The following LPAR3 variants were observed in gnomAD, a reference collection of about 807,000 sequenced individuals.
The protein encoded by LPAR3 is lysophosphatidic acid receptor 3, also known as LPA receptor 3.
A neutral mutation model predicts 17.8 loss-of-function variants in LPAR3; 7 were observed. The observed-to-expected ratio is 0.39, with a 90% CI of 0.22 to 0.74. The LOEUF (loss-of-function observed/expected upper bound fraction) is 0.74, where lower values mean the gene tolerates loss of function less well. Among genes scored for constraint, LPAR3 ranks in the 30% least tolerant of loss-of-function variants. The probability of loss-of-function intolerance (pLI) is 0.40; values close to 1 mark genes in which losing one functional copy is unlikely to be tolerated. For synonymous variants in LPAR3, 179 were observed against 179.9 expected, an observed-to-expected ratio of 0.99 and a Z score of 0.04; for missense variants, 391 against 453.4, an observed-to-expected ratio of 0.86 and a Z score of 1.25.
chr1:84,890,611 T>G (rs886440639), intron 1 of LPAR3, among the ~76,000 whole-genome samples: 8 of 152,238 alleles, frequency 5.3e-5, no homozygotes, highest in Admixed American at 2.6e-4. Flanking sequence ...ACTGCATTAA[T>G]AATGCCTTGG....
chr1:84,875,442 TGA>T (rs1156740066), intron 1 of LPAR3, among the ~76,000 whole-genome samples: 1 of 152,132 alleles, frequency 6.6e-6, no homozygotes, highest in African/African-American at 2.4e-5. Flanking sequence ...ACACTGTTAC[TGA>T]GAGAGTGGAT....
chr1:84,813,828 C>A lies in LPAR3; in HGVS notation c.*18G>T. ...TTTTCCCAGAGGAGGCCTGGGTGGG[C>A]CGAGAGGCATCCAGAGTTTAGGAAG... On this transcript the variant is annotated 3_prime_UTR_variant, in exon 3 of 3. Coordinates refer to ENST00000370611, the MANE Select transcript of LPAR3 (RefSeq NM_012152.3). The A allele has an allele frequency of 6.2e-7, 1 of 1,601,592 alleles. No homozygotes were observed.
intron 2 of LPAR3, among the ~76,000 whole-genome samples, chr1:84,831,411 G>A (rs1156372306): frequency 6.6e-6 from 1 of 152,082 alleles, no homozygotes; most frequent in Non-Finnish European, 1.5e-5. Flanking sequence ...AGCTATGATT[G>A]TGCCACTGCA....
At chr1:84,828,107 C>G (rs1659197511) in intron 2 of LPAR3, among the ~76,000 whole-genome samples, 1 of 152,080 alleles carries the variant, frequency 6.6e-6, no homozygotes, top group Admixed American at 6.5e-5. Flanking sequence ...AAAACACATT[C>G]ATCTCTCTCT....
chr1:84,841,535 T>C (rs914984634), intron 2 of LPAR3, among the ~76,000 whole-genome samples: 3 of 152,174 alleles, frequency 2.0e-5, no homozygotes, highest in Admixed American at 1.3e-4. Context: ...CAACTTCATG[T>C]TTTGAGATTA....
chr1:84,821,314 T>C (rs1659049485), intron 2 of LPAR3, among the ~76,000 whole-genome samples: 1 of 152,148 alleles, frequency 6.6e-6, no homozygotes, highest in Non-Finnish European at 1.5e-5. Context: ...CCTCTCCCCA[T>C]ACACGTCCAC....
intron 2 of LPAR3, among the ~76,000 whole-genome samples, chr1:84,840,622 A>G (rs993475700): frequency 8.5e-5 from 13 of 152,338 alleles, no homozygotes; most frequent in Non-Finnish European, 8.8e-5. Flanking sequence ...GTTTCCTCAG[A>G]TTTTGAGAAT....
At chr1:84,877,840 C>G (rs950786283) in intron 1 of LPAR3, among the ~76,000 whole-genome samples, 2 of 152,108 alleles carry the variant, frequency 1.3e-5, no homozygotes, top group African/African-American at 2.4e-5. Flanking sequence ...CATGATTGTG[C>G]CCCTCATGTC....
At chr1:84,820,546 T>A (rs1487843300) in intron 2 of LPAR3, among the ~76,000 whole-genome samples, 6 of 152,158 alleles carry the variant, frequency 3.9e-5, no homozygotes, top group African/African-American at 1.4e-4. Context: ...TCAGGATGGT[T>A]TTAACCCAGG....
chr1:84,859,899 T>C (rs2102762775), intron 2 of LPAR3, among the ~76,000 whole-genome samples: 1 of 152,348 alleles, frequency 6.6e-6, no homozygotes, highest in South Asian at 2.1e-4. Context: ...TGACAATAAA[T>C]TAGACGTTTC....
At chr1:84,872,824 C>G (rs1233593760) in intron 1 of LPAR3, among the ~76,000 whole-genome samples, 1 of 152,158 alleles carries the variant, frequency 6.6e-6, no homozygotes, top group Non-Finnish European at 1.5e-5. Flanking sequence ...TTGACAAACA[C>G]TACTTCAGCC....
chr1:84,880,763 G>GGC (rs1660350440), intron 1 of LPAR3, among the ~76,000 whole-genome samples: 1 of 152,190 alleles, frequency 6.6e-6, no homozygotes, highest in East Asian at 1.9e-4. Context: ...GGCCCAGAAA[G>GGC]GCCCACGTTC....
At chr1:84,846,709 C>G (rs1284466321) in intron 2 of LPAR3, among the ~76,000 whole-genome samples, 1 of 151,950 alleles carries the variant, frequency 6.6e-6, no homozygotes, top group Non-Finnish European at 1.5e-5. Flanking sequence ...CTTTCATTAC[C>G]CACAAAGGGG....
intron 1 of LPAR3, among the ~76,000 whole-genome samples, chr1:84,871,424 C>T (rs1660157183): frequency 6.6e-6 from 1 of 152,248 alleles, no homozygotes; most frequent in Non-Finnish European, 1.5e-5. Context: ...TTTCTAGCTA[C>T]ATCTTATGAG....
intron 2 of LPAR3, among the ~76,000 whole-genome samples, chr1:84,853,308 G>A (rs1462012860): frequency 6.6e-6 from 1 of 152,122 alleles, no homozygotes; most frequent in African/African-American, 2.4e-5. Context: ...AAGCTAGGAT[G>A]GTAAGGATGT....
At chr1:84,887,549 C>T (rs759376287) in intron 1 of LPAR3, among the ~76,000 whole-genome samples, 32 of 152,010 alleles carry the variant, frequency 2.1e-4, no homozygotes, top group Non-Finnish European at 4.0e-4. Context: ...TTTCAAACAC[C>T]TTTGGGGAAA....
intron 1 of LPAR3, among the ~76,000 whole-genome samples, chr1:84,879,316 C>CTTTTTTTT (rs1187756554): frequency 0.082 from 9,876 of 119,896 alleles, 766 homozygotes; most frequent in African/African-American, 0.13. Flanking sequence ...TTTCTTTTTT[C>CTTTTTTTT]TTTTTTTTTT....
intron 2 of LPAR3, among the ~76,000 whole-genome samples, chr1:84,828,125 T>TC (rs1491233150): frequency 1.3e-5 from 2 of 151,998 alleles, no homozygotes; most frequent in East Asian, 1.9e-4. Flanking sequence ...TCTCTCTCTC[T>TC]TTTTTTTCTA....
At chr1:84,892,649 G>T (rs1297767410) in intron 1 of LPAR3, among the ~76,000 whole-genome samples, 1 of 152,198 alleles carries the variant, frequency 6.6e-6, no homozygotes, top group Non-Finnish European at 1.5e-5. Flanking sequence ...ACCATCGATG[G>T]CAATGAGACT....
Sources: allele counts gnomAD v4.1 joint callset (sites outside exome capture counted in the v4.1 genomes callset), GRCh38; gene constraint gnomAD v4.1.1; transcripts MANE v1.5; gene names NCBI Gene and HGNC (gene_info 2026-07-23, HGNC 2026-07-21).